The following ZNF169 variants were observed in gnomAD, a reference collection of about 807,000 sequenced individuals.
ZNF169 encodes the protein zinc finger protein 169.
Under a neutral mutation model 12.0 loss-of-function variants are expected in ZNF169, and 11 were observed. That is an observed-to-expected ratio of 0.92 (90% CI 0.58 to 1.52). ZNF169 has a LOEUF of 1.52. ZNF169 is among the 40% of genes most tolerant of loss of function. The pLI is 0.00. For missense variants in ZNF169, 722 were observed against 744.0 expected (o/e 0.97, Z 0.34); for synonymous variants, 302 against 286.5 (o/e 1.05, Z -0.55).
At chr9:94,277,485 G>A (rs189830819) in intron 1 of ZNF169, among the ~76,000 whole-genome samples, 2 of 152,124 alleles carry the variant, frequency 1.3e-5, no homozygotes, top group Admixed American at 6.5e-5. Flanking sequence ...TATACTTTGG[G>A]GTAATACATT....
In ZNF169 at chr9:94,300,105, G is replaced by A; in HGVS notation, c.547G>A (p.Gly183Arg). The A allele has an allele frequency of 1.2e-6, 2 of 1,614,192 alleles. No individual in the cohort carries two copies. The highest frequency in any genetic ancestry group is 3.3e-4 in the Middle Eastern group (2 of 6,062). The change falls in exon 5 of 5, where the codon GGA becomes AGA. Residue 183 changes from glycine to arginine, a missense_variant. Physicochemically the swap from Gly to Arg is moderately radical, Grantham distance 125. Transcript: ENST00000395395. ...VEWVEGNREG[G>R]TDLRLAQRMS... is the part of the protein sequence containing the mutation. ...ATGGGTAGAAGGGAACAGAGAAGGA[G>A]GAACAGACCTTCGCCTGGCCCAAAG...
At chr9:94,263,016 T>G (rs3118766) in intron 1 of ZNF169, among the ~76,000 whole-genome samples, 53,974 of 152,024 alleles carry the variant, frequency 0.36, 9,768 homozygotes, top group Admixed American at 0.43. Flanking sequence ...ACCCAGCATG[T>G]AGTGTGAGTT....
intron 2 of ZNF169, among the ~76,000 whole-genome samples, chr9:94,286,011 C>T (rs75050480): frequency 6.8e-6 from 1 of 146,714 alleles, no homozygotes; most frequent in Non-Finnish European, 1.5e-5. Context: ...AACTCCATCT[C>T]AAAAAAAAAA....
chr9:94,301,459 GCTTT>G lies in ZNF169; in HGVS notation c.*95_*98del. 1 of 1,449,068 alleles carries G rather than the reference GCTTT, an allele frequency of 6.9e-7. No individual in the cohort carries two copies. The highest frequency in any genetic ancestry group is 9.1e-7 in the Non-Finnish European group (1 of 1,098,612). The allele number at this position is 1,449,068 out of a possible 1,614,324, so 89.8% of individuals were successfully genotyped here. ...AATGGAATGGAAAAAAAAAAATGTT[GCTTT>G]CTTTCATCGATCATGAGATAGTTGA... On this transcript the variant is annotated 3_prime_UTR_variant, in exon 5 of 5. Coordinates refer to ENST00000395395, the MANE Select transcript of ZNF169 (RefSeq NM_194320.4).
chr9:94,262,102 ATT>A (rs1308422981), intron 1 of ZNF169, among the ~76,000 whole-genome samples: 1 of 152,178 alleles, frequency 6.6e-6, no homozygotes, highest in Non-Finnish European at 1.5e-5. Context: ...AGAGCACTTT[ATT>A]ATATGAGGAC....
chr9:94,270,002 T>C (rs911050520), intron 1 of ZNF169, among the ~76,000 whole-genome samples: 12 of 152,046 alleles, frequency 7.9e-5, no homozygotes, highest in Non-Finnish European at 1.5e-5. Flanking sequence ...GCATGGGGAG[T>C]TTCTTCAGAC....
At chr9:94,288,244 A>G (rs1830755954) in intron 2 of ZNF169, 1 of 805,596 alleles carries the variant, frequency 1.2e-6, no homozygotes, top group African/African-American at 1.7e-5. Flanking sequence ...GTTAGGTGAG[A>G]AGGACGAATT....
intron 2 of ZNF169, chr9:94,287,656 G>T (rs1242266726): frequency 1.4e-5 from 12 of 845,984 alleles, no homozygotes; most frequent in Non-Finnish European, 2.3e-5. Context: ...GAGCCACTGT[G>T]CCCGGCCAAA....
At chr9:94,293,152 G>A in intron 4 of ZNF169, 83 bp downstream of exon 4, 1 of 1,268,024 alleles carries the variant, frequency 7.9e-7, no homozygotes, top group Non-Finnish European at 1.1e-6. Flanking sequence ...TCTTTGAGGT[G>A]CTAGGAGGAA....
At chr9:94,270,671 TATATAAATA>T (rs1830373510) in intron 1 of ZNF169, among the ~76,000 whole-genome samples, 2 of 59,260 alleles carry the variant, frequency 3.4e-5, no homozygotes, top group Non-Finnish European at 7.7e-5. Context: ...ATATATATAC[TATATAAATA>T]TATATAAATA....
chr9:94,277,562 A>C (rs1299685916), intron 1 of ZNF169, among the ~76,000 whole-genome samples: 1 of 152,162 alleles, frequency 6.6e-6, no homozygotes, highest in Non-Finnish European at 1.5e-5. Context: ...GGGTTAAATA[A>C]AACACATCTG....
At chr9:94,299,327 G>T (rs118106804) in intron 4 of ZNF169, 1 of 404,644 alleles carries the variant, frequency 2.5e-6, no homozygotes, top group Admixed American at 4.2e-5. Context: ...TATCTGATTC[G>T]TGGGTGCCCC....
In ZNF169 at chr9:94,292,364, G is replaced by A; in HGVS notation, c.57G>A (p.Val19=). The A allele has an allele frequency of 2.5e-6, 4 of 1,614,156 alleles. No homozygotes were observed. The highest frequency in any genetic ancestry group is 3.4e-6 in the Non-Finnish European group (4 of 1,180,030). ...RKEALMAFRD[V]AVAFTQKEWK... ...AGGCATTGATGGCCTTCCGGGATGTGGCTGTGGCCTTCACCCAGAAGGAGT... is the reference window on the plus strand; with the variant it reads ...AGGCATTGATGGCCTTCCGGGATGTAGCTGTGGCCTTCACCCAGAAGGAGT... Residue 19 remains valine, a synonymous_variant, in exon 3 of 5, where the codon GTG becomes GTA. Transcript: ENST00000395395.
At chr9:94,296,901 G>A in intron 4 of ZNF169, 1 of 445,042 alleles carries the variant, frequency 2.2e-6, no homozygotes, top group South Asian at 1.6e-5. Context: ...AAAAAAACTA[G>A]CCGAGTGTGG....
chr9:94,301,819 G>C lies in ZNF169; in HGVS notation c.*449G>C, dbSNP rs1396768300. Among the ~76,000 whole-genome samples the C allele has an allele frequency of 6.6e-6, 1 of 152,094 alleles. No homozygotes were observed. The highest frequency in any genetic ancestry group is 1.5e-5 in the Non-Finnish European group (1 of 68,018). ...TTTAACCTTAATAACCTTCCTAAAG[G>C]CCTTATCTCTAGATACAGTCACACT... On this transcript the variant is annotated 3_prime_UTR_variant, in exon 5 of 5. Coordinates refer to ENST00000395395, the MANE Select transcript of ZNF169 (RefSeq NM_194320.4).
chr9:94,270,147 G>A (rs1433177397), intron 1 of ZNF169, among the ~76,000 whole-genome samples: 1 of 152,168 alleles, frequency 6.6e-6, no homozygotes, highest in Non-Finnish European at 1.5e-5. Context: ...TTGTATAAGG[G>A]CACTGGCTTT....
intron 2 of ZNF169, among the ~76,000 whole-genome samples, chr9:94,285,294 G>T (rs896187582): frequency 6.6e-5 from 10 of 152,116 alleles, no homozygotes; most frequent in Non-Finnish European, 2.9e-5. Flanking sequence ...AAAAAGCTAC[G>T]GGATAGACTT....
intron 2 of ZNF169, among the ~76,000 whole-genome samples, chr9:94,282,270 A>G (rs755190993): frequency 6.6e-6 from 1 of 151,936 alleles, no homozygotes; most frequent in Admixed American, 6.6e-5. Context: ...AAAAAAAATC[A>G]GAGCTTAGTC....
At chr9:94,270,929 TA>T (rs1207710169) in intron 1 of ZNF169, among the ~76,000 whole-genome samples, 1 of 42,148 alleles carries the variant, frequency 2.4e-5, no homozygotes, top group African/African-American at 1.0e-4. Context: ...TATATATAAA[TA>T]ATATATAATA....
Sources: gnomAD v4.1 joint callset for allele counts (sites outside exome capture counted in the v4.1 genomes callset) on GRCh38, gnomAD v4.1.1 for gene constraint, MANE v1.5 for transcripts, NCBI Gene and HGNC (gene_info 2026-07-23, HGNC 2026-07-21) for gene names.